Variants in MPZL1 observed in about 807,000 individuals in gnomAD.
The protein encoded by MPZL1 is myelin protein zero-like protein 1.
MPZL1 carries 16 observed loss-of-function variants against 29.3 expected under a neutral mutation model. That is an observed-to-expected ratio of 0.55 (90% CI 0.37 to 0.83). The LOEUF (loss-of-function observed/expected upper bound fraction) is 0.83, where lower values mean the gene tolerates loss of function less well. MPZL1 is among the 40% of genes least tolerant of loss of function. MPZL1 has a pLI of 0.00. For synonymous variants in MPZL1, 143 were observed against 132.0 expected, an observed-to-expected ratio of 1.08 and a Z score of -0.57; for missense variants, 279 against 332.9, an observed-to-expected ratio of 0.84 and a Z score of 1.26.
At chr1:167,772,016 G>A (rs535002320) in intron 2 of MPZL1, among the ~76,000 whole-genome samples, 5 of 151,906 alleles carry the variant, frequency 3.3e-5, no homozygotes, top group African/African-American at 4.8e-5. Flanking sequence ...CCAGGCAGTC[G>A]GCAGCCCGAG....
rs374786249 is a variant in MPZL1, at chr1:167,739,308, TACAC to T, written c.91+17068_91+17071del. The stretch of plus-strand genomic sequence containing the variant: ...ATATATATATATATATATATATATA[TACAC>T]ATATATATATTTATGTTTATTCTTT... On this transcript the variant is annotated intron_variant, in intron 1 of 5. Coordinates refer to ENST00000359523, the MANE Select transcript of MPZL1 (RefSeq NM_003953.6). 6.1e-3 allele frequency among the ~76,000 whole-genome samples: 471 copies of T among 77,342 alleles called. 2 individuals carry two copies. The highest frequency in any genetic ancestry group is 0.019 in the African/African-American group (269 of 13,992). The allele number at this position is 77,342 out of a possible 152,430, so 50.7% of individuals were successfully genotyped here.
chr1:167,756,516 A>T (rs1440343586), intron 1 of MPZL1, among the ~76,000 whole-genome samples: 1 of 145,512 alleles, frequency 6.9e-6, no homozygotes, highest in East Asian at 2.0e-4. Flanking sequence ...CAGAAAGATG[A>T]TTCTTGGAGG....
chr1:167,787,870 C>A lies in MPZL1; in HGVS notation c.759C>A (p.Asp253Glu). 2 of 1,613,840 alleles carry A rather than the reference C, an allele frequency of 1.2e-6. No individual in the cohort carries two copies. The highest frequency in any genetic ancestry group is 1.7e-6 in the Non-Finnish European group (2 of 1,179,762). ...ACCACTCCGGCGGACATCACAGTGA[C>A]AAGATTAACAAGTCAGAGTCTGTGG... ...QLDHSGGHHS[D>E]KINKSESVVY... The change falls in exon 6 of 6, where the codon GAC (aspartate) becomes GAA (glutamate). Residue 253 changes from aspartate to glutamate, a missense_variant. Physicochemically the swap from Asp to Glu is conservative, Grantham distance 45. Transcript: ENST00000359523.
chr1:167,722,972 C>A (rs1412613070), intron 1 of MPZL1, among the ~76,000 whole-genome samples: 1 of 151,976 alleles, frequency 6.6e-6, no homozygotes, highest in South Asian at 2.1e-4. Context: ...CATAATTTTC[C>A]TAAAGGAAAA....
At chr1:167,775,716 C>T (rs1305047049) in intron 4 of MPZL1, among the ~76,000 whole-genome samples, 1 of 152,050 alleles carries the variant, frequency 6.6e-6, no homozygotes, top group African/African-American at 2.4e-5. Context: ...AACCTTTATC[C>T]CAAAGGAGGG....
chr1:167,771,974 C>T (rs1473828901), intron 2 of MPZL1, among the ~76,000 whole-genome samples: 1 of 152,128 alleles, frequency 6.6e-6, no homozygotes, highest in Non-Finnish European at 1.5e-5. Context: ...AATACAAAAA[C>T]CAGTCAGGCG....
intron 1 of MPZL1, among the ~76,000 whole-genome samples, chr1:167,728,570 C>A (rs976887666): frequency 2.0e-5 from 3 of 151,996 alleles, no homozygotes; most frequent in Admixed American, 2.0e-4. Flanking sequence ...ACAATTTTTT[C>A]TTGATCCCAT....
intron 5 of MPZL1, among the ~76,000 whole-genome samples, chr1:167,784,576 GT>G (rs2101800374): frequency 6.6e-6 from 1 of 152,306 alleles, no homozygotes; most frequent in South Asian, 2.1e-4. Flanking sequence ...GCTGAGGCAT[GT>G]TCCATAGAGA....
Position 167,788,918 on chromosome 1 carries a change from C to T in MPZL1, c.*997C>T, listed in dbSNP as rs1266306763. 6.6e-6 allele frequency: 1 copy of T among 150,838 alleles called. No homozygotes were observed. Among genetic ancestry groups the T allele is most frequent in the Non-Finnish European group, 1.5e-5 (1 of 67,834 alleles). 9.3% of individuals were successfully genotyped at this position (150,838 alleles called of 1,614,324 possible). ...TTTGAGGTAGAGTCTCACTATGTTG[C>T]CCAGACTAGCCTTGAACTCTTGGGC... On this transcript the variant is annotated 3_prime_UTR_variant, in exon 6 of 6. Coordinates refer to ENST00000359523, the MANE Select transcript of MPZL1 (RefSeq NM_003953.6).
At chr1:167,777,576 G>A (rs1661398149) in intron 5 of MPZL1, among the ~76,000 whole-genome samples, 1 of 102,714 alleles carries the variant, frequency 9.7e-6, no homozygotes, top group African/African-American at 3.2e-5. Context: ...AGGAACCATA[G>A]AGAGAGCGTG....
chr1:167,748,298 G>T (rs1660688771), intron 1 of MPZL1, among the ~76,000 whole-genome samples: 1 of 152,112 alleles, frequency 6.6e-6, no homozygotes, highest in Non-Finnish European at 1.5e-5. Flanking sequence ...ATCCTCTCCA[G>T]CTACTGGTTA....
chr1:167,740,959 C>G (rs1416518116), intron 1 of MPZL1, among the ~76,000 whole-genome samples: 2 of 152,224 alleles, frequency 1.3e-5, no homozygotes, highest in African/African-American at 2.4e-5. Flanking sequence ...CTCTCACCAT[C>G]TCCTTGCCTC....
In MPZL1 at chr1:167,790,194, C is replaced by G. The variant is rs544942553; in HGVS notation, c.*2273C>G. On this transcript the variant is annotated 3_prime_UTR_variant, in exon 6 of 6. Transcript: ENST00000359523. ...AGAGCCTTCACTTCTTCTTGCGGTGCCGGGACCATGTGTTGGTGAAGCTGG... is the reference window on the plus strand; with the variant it reads ...AGAGCCTTCACTTCTTCTTGCGGTGGCGGGACCATGTGTTGGTGAAGCTGG... The G allele has an allele frequency of 1.6e-3, 249 of 152,526 alleles. 3 individuals carry two copies. Among genetic ancestry groups the G allele is most frequent in the African/African-American group, 5.9e-3 (247 of 41,570 alleles). The allele number at this position is 152,526 out of a possible 1,614,324, so 9.4% of individuals were successfully genotyped here. A position where few individuals can be genotyped will look rare whatever the true frequency, so the allele number is the denominator to read the frequency against.
chr1:167,765,524 T>A (rs752492891), intron 1 of MPZL1, 59 bp from the exon 2 acceptor site: 5 of 1,428,296 alleles, frequency 3.5e-6, no homozygotes, highest in African/African-American at 1.4e-5. Context: ...CTGGCAAAAA[T>A]GCACAGTGGT....
At chr1:167,783,500 A>G (rs973774953) in intron 5 of MPZL1, among the ~76,000 whole-genome samples, 3 of 152,224 alleles carry the variant, frequency 2.0e-5, no homozygotes, top group Non-Finnish European at 4.4e-5. Flanking sequence ...ACAGTGATTG[A>G]ATGGAATATT....
rs938270078 is a variant in MPZL1, at chr1:167,791,205, A to G, written c.*3284A>G. On this transcript the variant is annotated 3_prime_UTR_variant, in exon 6 of 6. Coordinates refer to ENST00000359523, the MANE Select transcript of MPZL1 (RefSeq NM_003953.6). ...ATTAGAACATAGTTAACAAGAGACC[A>G]GAACCTTGCTGTTTTGTTCACTGCT... 4.6e-5 allele frequency: 7 copies of G among 152,246 alleles called. No homozygotes were observed. Among genetic ancestry groups the G allele is most frequent in the East Asian group, 1.9e-4 (1 of 5,206 alleles). The allele number at this position is 152,246 out of a possible 1,614,324, so 9.4% of individuals were successfully genotyped here.
intron 1 of MPZL1, among the ~76,000 whole-genome samples, chr1:167,747,247 G>A (rs1007463721): frequency 4.6e-5 from 7 of 152,048 alleles, no homozygotes; most frequent in Non-Finnish European, 7.4e-5. Flanking sequence ...TTGAGACAGG[G>A]CCTCACTCTG....
intron 2 of MPZL1, among the ~76,000 whole-genome samples, chr1:167,768,972 CT>C (rs1210577112): frequency 6.6e-6 from 1 of 152,182 alleles, no homozygotes; most frequent in African/African-American, 2.4e-5. Context: ...GAGTGAAGAA[CT>C]TTGAACAGAT....
At chr1:167,737,396 A>C (rs1345198071) in intron 1 of MPZL1, among the ~76,000 whole-genome samples, 6 of 152,202 alleles carry the variant, frequency 3.9e-5, no homozygotes, top group African/African-American at 1.2e-4. Context: ...GATGTGGCTC[A>C]GGGCCAGGAT....
Sources: allele counts gnomAD v4.1 joint callset (sites outside exome capture counted in the v4.1 genomes callset), GRCh38; gene constraint gnomAD v4.1.1; transcripts MANE v1.5; gene names NCBI Gene and HGNC (gene_info 2026-07-23, HGNC 2026-07-21).